SYNE1: variants seen among roughly 807,000 people sequenced by gnomAD.
SYNE1 encodes the protein spectrin repeat containing nuclear envelope protein 1.
A neutral mutation model predicts 1,111.0 loss-of-function variants in SYNE1; 616 were observed. That is an observed-to-expected ratio of 0.55 (90% CI 0.52 to 0.59). The LOEUF is 0.59. Among genes scored for constraint, SYNE1 ranks in the 20% least tolerant of loss-of-function variants. The pLI, the probability that SYNE1 is intolerant of heterozygous loss-of-function variation, is 0.00. For missense variants in SYNE1, 10,006 were observed against 10,417.0 expected (o/e 0.96, Z 1.72); for synonymous variants, 3,855 against 3,825.8 (o/e 1.01, Z -0.28).
At chr6:152,237,876 G>A (rs2084585648) in intron 108 of SYNE1, among the ~76,000 whole-genome samples, 1 of 151,910 alleles carries the variant, frequency 6.6e-6, no homozygotes, top group Admixed American at 6.6e-5. Flanking sequence ...TTACGCTGTG[G>A]GTCAGCAGTT....
chr6:152,520,122 C>G (rs1406138344), intron 6 of SYNE1, among the ~76,000 whole-genome samples: 2 of 152,090 alleles, frequency 1.3e-5, no homozygotes, highest in Admixed American at 6.6e-5. Context: ...GGTCCTGGAA[C>G]AGACACAGAC....
chr6:152,333,904 A>T (rs1036429070), intron 77 of SYNE1, 104 bp downstream of exon 77: 2 of 1,503,322 alleles, frequency 1.3e-6, no homozygotes, highest in Non-Finnish European at 1.8e-6. Flanking sequence ...AAGTGCTGGG[A>T]TTACAGGCAT....
chr6:152,524,593 G>A (rs2099154889), intron 5 of SYNE1, among the ~76,000 whole-genome samples: 1 of 151,878 alleles, frequency 6.6e-6, no homozygotes, highest in Non-Finnish European at 1.5e-5. Context: ...ATTCCAAATT[G>A]CCTGTTCATA....
At chr6:152,254,007 A>G (rs1284414417) in intron 104 of SYNE1, among the ~76,000 whole-genome samples, 1 of 151,574 alleles carries the variant, frequency 6.6e-6, no homozygotes, top group Admixed American at 6.6e-5. Context: ...ATCAGCACTA[A>G]AAGTTTATCA....
At chr6:152,202,371 C>CAAA (rs11350427) in intron 126 of SYNE1, among the ~76,000 whole-genome samples, 28 of 110,964 alleles carry the variant, frequency 2.5e-4, no homozygotes, top group Non-Finnish European at 3.2e-4. Flanking sequence ...AAAAAAAAAG[C>CAAA]AAAAAAAAAA....
Position 152,135,120 on chromosome 6 carries a change from T to C in SYNE1, c.25772A>G (p.His8591Arg), listed in dbSNP as rs1164534934. The C allele has an allele frequency of 1.2e-6, 2 of 1,614,190 alleles. No homozygotes were observed. Among genetic ancestry groups the C allele is most frequent in the East Asian group, 2.2e-5 (1 of 44,870 alleles). The change falls in exon 142 of 146, where the codon CAT (histidine) becomes CGT (arginine). Residue 8591 changes from histidine to arginine, a missense_variant. Around this residue, in one of 7 missense-constraint regions of SYNE1, gnomAD observed 761 missense variants for 795.5 expected, o/e 0.96. Coordinates refer to ENST00000367255, the MANE Select transcript of SYNE1 (RefSeq NM_182961.4). ...SNLDAEILQD[H>R]HKQLMQIKHE... is the part of the protein sequence containing the mutation. The stretch of plus-strand genomic sequence containing the variant: ...ACATCTTACCATAAGCTGTTTGTGA[T>C]GGTCCTGAAGTATCTCTGCATCAAG...
chr6:152,440,027 C>T (rs2098514074), intron 32 of SYNE1, among the ~76,000 whole-genome samples: 1 of 152,188 alleles, frequency 6.6e-6, no homozygotes, highest in South Asian at 2.1e-4. Context: ...CCCCATCTCA[C>T]TTCCATTGTC....
At chr6:152,310,345 T>G (rs1425492618) in intron 89 of SYNE1, 51 bp downstream of exon 89, 6 of 1,611,630 alleles carry the variant, frequency 3.7e-6, no homozygotes, top group African/African-American at 1.3e-5. Context: ...ACTATCCTCT[T>G]TTAAAAATAT....
rs111322292 is a variant in SYNE1 at position 152,444,591 on chromosome 6, G to GA, written c.3670-14dup. On this transcript the variant is annotated splice_polypyrimidine_tract_variant and intron_variant, in intron 29 of 145. Coordinates refer to ENST00000367255, the MANE Select transcript of SYNE1 (RefSeq NM_182961.4). ...GCATCTTTTCAACCTATATTTTCAT[G>GA]AAAAAAAAAAACACGTAAATCATAT... The GA allele has an allele frequency of 0.049, 52,821 of 1,081,112 alleles. 13 individuals are homozygous for GA. The highest frequency in any genetic ancestry group is 0.065 in the East Asian group (1,667 of 25,810). The allele number at this position is 1,081,112 out of a possible 1,614,324, so 67.0% of individuals were successfully genotyped here.
chr6:152,610,281 C>T (rs893024992), intron 3 of SYNE1, among the ~76,000 whole-genome samples: 3 of 152,090 alleles, frequency 2.0e-5, no homozygotes, highest in Admixed American at 1.3e-4. Context: ...CTAGAATAAA[C>T]AGTGTAGAGA....
At chr6:152,527,918 C>T (rs986851828) in intron 4 of SYNE1, among the ~76,000 whole-genome samples, 5 of 152,206 alleles carry the variant, frequency 3.3e-5, no homozygotes. Flanking sequence ...TCTGTTGCTA[C>T]TCATGCTGCA....
intron 116 of SYNE1, among the ~76,000 whole-genome samples, chr6:152,225,305 A>G (rs199837652): frequency 2.3e-4 from 35 of 150,242 alleles, no homozygotes; most frequent in South Asian, 1.0e-3. Context: ...ACACACACGC[A>G]CACACACACA....
chr6:152,456,017 T>TA lies in SYNE1; in HGVS notation c.2595dup (p.Lys866Ter). 6.2e-7 allele frequency: 1 copy of TA among 1,613,898 alleles called. No homozygotes were observed. Among genetic ancestry groups the TA allele is most frequent in the Non-Finnish European group, 8.5e-7 (1 of 1,180,000 alleles). On this transcript the variant is annotated frameshift_variant, in exon 23 of 146. Transcript: ENST00000367255. LOFTEE classifies it high-confidence loss of function. Reference sequence around the variant, plus strand: ...TTCTCAATAAGTGTCAAGGTTTTCTTACAGTTTTCTTGACAAGCTAACAGT... The same window carrying TA: ...TTCTCAATAAGTGTCAAGGTTTTCTTAACAGTTTTCTTGACAAGCTAACAGT...
At chr6:152,603,279 TGAGGGA>T (rs1458137256) in intron 3 of SYNE1, among the ~76,000 whole-genome samples, 1 of 152,184 alleles carries the variant, frequency 6.6e-6, no homozygotes. Flanking sequence ...ACATCAGAGT[TGAGGGA>T]GACTTTTTTG....
intron 131 of SYNE1, among the ~76,000 whole-genome samples, chr6:152,163,691 T>A (rs151213289): frequency 6.6e-5 from 10 of 152,204 alleles, no homozygotes; most frequent in African/African-American, 2.4e-4. Flanking sequence ...CAATCCTTTT[T>A]GCAAAACAAA....
At chr6:152,605,015 AGAGAG>A (rs1565140512) in intron 3 of SYNE1, among the ~76,000 whole-genome samples, 8 of 61,002 alleles carry the variant, frequency 1.3e-4, no homozygotes, top group African/African-American at 5.6e-4. Flanking sequence ...AAAGAGAGAG[AGAGAG>A]AGAGAGAGAG....
intron 3 of SYNE1, among the ~76,000 whole-genome samples, chr6:152,573,256 T>G (rs1258373718): frequency 6.6e-6 from 1 of 151,834 alleles, no homozygotes; most frequent in Admixed American, 6.6e-5. Context: ...TATGTATACA[T>G]GTGCCATGTT....
At chr6:152,527,682 C>T (rs1357101959) in intron 4 of SYNE1, among the ~76,000 whole-genome samples, 1 of 152,116 alleles carries the variant, frequency 6.6e-6, no homozygotes, top group Non-Finnish European at 1.5e-5. Flanking sequence ...ATGTTTGATA[C>T]ATTCAGTGAG....
chr6:152,388,247 C>T (rs939519756), intron 53 of SYNE1, among the ~76,000 whole-genome samples: 1 of 151,554 alleles, frequency 6.6e-6, no homozygotes, highest in African/African-American at 2.4e-5. Flanking sequence ...AAAAAGCACC[C>T]CCCGCCTTTT....
Sources: allele counts gnomAD v4.1 joint callset (sites outside exome capture counted in the v4.1 genomes callset), GRCh38; gene constraint gnomAD v4.1.1; regional missense constraint gnomAD v4.1.1; transcripts MANE v1.5; gene names NCBI Gene and HGNC (gene_info 2026-07-23, HGNC 2026-07-21).